The following PPP1R16B variants were observed in gnomAD, a reference collection of about 807,000 sequenced individuals.
PPP1R16B encodes the protein protein phosphatase 1 regulatory subunit 16B, also known as protein phosphatase 1 regulatory inhibitor subunit 16B.
PPP1R16B carries 14 observed loss-of-function variants against 61.7 expected under a neutral mutation model. The ratio of observed to expected loss-of-function variants is 0.23; its 90% CI spans 0.15 to 0.35. PPP1R16B has a LOEUF of 0.35. Ranked by LOEUF, PPP1R16B falls within the 10% of genes least tolerant of loss-of-function variation. The pLI, the probability that PPP1R16B is intolerant of heterozygous loss-of-function variation, is 1.00. For missense variants in PPP1R16B, 547 were observed against 752.5 expected (o/e 0.73, Z 3.19); for synonymous variants, 266 against 305.3 (o/e 0.87, Z 1.34).
intron 10 of PPP1R16B, among the ~76,000 whole-genome samples, chr20:38,908,944 C>T (rs889326060): frequency 2.0e-5 from 3 of 152,190 alleles, no homozygotes; most frequent in African/African-American, 7.2e-5. Context: ...GTCTCTGCTT[C>T]TATCTCCACA....
At chr20:38,811,858 T>C (rs2084702929) in intron 1 of PPP1R16B, among the ~76,000 whole-genome samples, 1 of 152,188 alleles carries the variant, frequency 6.6e-6, no homozygotes, top group Admixed American at 6.5e-5. Context: ...CAAATATCAA[T>C]AGTGCTGAGG....
rs565006337 is a variant in PPP1R16B at position 38,873,402 on chromosome 20, G to C, written c.251-16193G>C. ...TCCTCCTGTTGAGCCTCTTCTCTGG[G>C]GGCACTCATTATGTATGCTGCGTAA... On this transcript the variant is annotated intron_variant, in intron 2 of 10. Transcript: ENST00000299824. 8.5e-4 allele frequency among the ~76,000 whole-genome samples: 129 copies of C among 152,222 alleles called. 1 individual carries two copies. Among genetic ancestry groups the C allele is most frequent in the South Asian group, 2.5e-3 (12 of 4,816 alleles).
At chr20:38,807,641 C>T (rs2084671383) in intron 1 of PPP1R16B, among the ~76,000 whole-genome samples, 2 of 152,192 alleles carry the variant, frequency 1.3e-5, no homozygotes, top group African/African-American at 4.8e-5. Context: ...TCTCTCCCAC[C>T]TGTCACCCAA....
At chr20:38,864,202 G>A (rs1304090328) in intron 2 of PPP1R16B, among the ~76,000 whole-genome samples, 1 of 152,238 alleles carries the variant, frequency 6.6e-6, no homozygotes, top group Non-Finnish European at 1.5e-5. Context: ...TGGGGAATGA[G>A]GAGTGACTGC....
chr20:38,905,679 C>A (rs2085434676), intron 6 of PPP1R16B, among the ~76,000 whole-genome samples: 1 of 152,160 alleles, frequency 6.6e-6, no homozygotes, highest in South Asian at 2.1e-4. Flanking sequence ...ACCTCAGAGA[C>A]CCCTTCTTCA....
In PPP1R16B at chr20:38,895,978, C is replaced by T. The variant is rs370666178; in HGVS notation, c.467+268C>T. 4.5e-4 allele frequency among the ~76,000 whole-genome samples: 43 copies of T among 95,746 alleles called. 1 individual carries two copies. The highest frequency in any genetic ancestry group is 1.4e-3 in the African/African-American group (24 of 17,758). 62.8% of individuals were successfully genotyped at this position (95,746 alleles called of 152,430 possible). ...CTCCTTTCTTCTTTCTTCCCTCCCT[C>T]CCTCCTTCCTTCTTTCTCTCCTCCC... On this transcript the variant is annotated intron_variant, in intron 4 of 10. Transcript: ENST00000299824.
At chr20:38,847,228 CTGA>C (rs1244036766) in intron 2 of PPP1R16B, among the ~76,000 whole-genome samples, 2 of 152,172 alleles carry the variant, frequency 1.3e-5, no homozygotes, top group Admixed American at 1.3e-4. Flanking sequence ...CACACCTTTG[CTGA>C]TATATTTGAT....
At position 38,895,806 on chromosome 20, in the gene PPP1R16B, TC is replaced by T. The variant is rs1568678729; in HGVS notation, c.467+97del. On this transcript the variant is annotated intron_variant, in intron 4 of 10. Transcript: ENST00000299824. ...TCCTCCCTCCCTCCTTCCTTCTTTC[TC>T]TCCTCCCTTCCTCCTTCCTTCTTTC... 34 of 1,182,412 alleles carry T rather than the reference TC, an allele frequency of 2.9e-5. No individual in the cohort carries two copies. The African/African-American group carries it at 3.0e-4, about 10-fold the overall frequency. 73.2% of individuals were successfully genotyped at this position (1,182,412 alleles called of 1,614,324 possible).
chr20:38,879,174 G>A (rs1268828471), intron 2 of PPP1R16B, among the ~76,000 whole-genome samples: 1 of 152,160 alleles, frequency 6.6e-6, no homozygotes. Flanking sequence ...TGAATAGAAT[G>A]AGGAAGTTCC....
At chr20:38,817,089 G>C (rs2084740558) in intron 1 of PPP1R16B, among the ~76,000 whole-genome samples, 1 of 152,178 alleles carries the variant, frequency 6.6e-6, no homozygotes, top group South Asian at 2.1e-4. Flanking sequence ...ATGTAAAGGT[G>C]AACAATACAT....
At chr20:38,838,983 A>G (rs886790106) in intron 2 of PPP1R16B, among the ~76,000 whole-genome samples, 2 of 152,218 alleles carry the variant, frequency 1.3e-5, no homozygotes, top group African/African-American at 4.8e-5. Flanking sequence ...GCTGGAGTGC[A>G]GTGGCACAAT....
At chr20:38,912,498 C>G (rs1167369065) in intron 10 of PPP1R16B, among the ~76,000 whole-genome samples, 1 of 142,512 alleles carries the variant, frequency 7.0e-6, no homozygotes, top group Admixed American at 7.0e-5. Flanking sequence ...ATCTCTACCC[C>G]CCACCAAAAA....
chr20:38,828,721 A>C (rs1019416002), intron 1 of PPP1R16B, among the ~76,000 whole-genome samples: 3 of 152,218 alleles, frequency 2.0e-5, no homozygotes, highest in Non-Finnish European at 2.9e-5. Flanking sequence ...GCCTAGCCTC[A>C]ACCACTCACT....
At chr20:38,808,748 C>T (rs1172489928) in intron 1 of PPP1R16B, among the ~76,000 whole-genome samples, 2 of 152,124 alleles carry the variant, frequency 1.3e-5, no homozygotes, top group Admixed American at 1.3e-4. Flanking sequence ...GTGCTCAGTA[C>T]TAGGGTGGAG....
intron 3 of PPP1R16B, among the ~76,000 whole-genome samples, chr20:38,891,126 G>C (rs2085289096): frequency 6.6e-6 from 1 of 152,162 alleles, no homozygotes; most frequent in African/African-American, 2.4e-5. Flanking sequence ...CCAAGGCTGG[G>C]CTGCACCCAC....
chr20:38,902,615 T>C, intron 5 of PPP1R16B, 53 bp from the exon 6 acceptor site: 1 of 1,611,182 alleles, frequency 6.2e-7, no homozygotes, highest in Non-Finnish European at 8.5e-7. Flanking sequence ...TCCCCTGCCC[T>C]CTGGGGTCGT....
intron 3 of PPP1R16B, among the ~76,000 whole-genome samples, chr20:38,894,799 C>T (rs912690245): frequency 3.3e-5 from 5 of 152,336 alleles, no homozygotes; most frequent in African/African-American, 9.6e-5. Context: ...CCTCCCTGTC[C>T]CTGGAGCCTG....
chr20:38,887,525 GC>G (rs1314074330), intron 2 of PPP1R16B, among the ~76,000 whole-genome samples: 1 of 152,182 alleles, frequency 6.6e-6, no homozygotes, highest in Non-Finnish European at 1.5e-5. Context: ...CATTTATAAT[GC>G]CCCAAAGCAG....
intron 2 of PPP1R16B, among the ~76,000 whole-genome samples, chr20:38,871,654 AAGGG>A (rs544581795): frequency 1.3e-4 from 12 of 92,246 alleles, no homozygotes; most frequent in Admixed American, 6.6e-4. Context: ...AAGAAAGGGG[AAGGG>A]AGGGAGGGAG....
Sources: gnomAD v4.1 joint callset for allele counts (sites outside exome capture counted in the v4.1 genomes callset) on GRCh38, gnomAD v4.1.1 for gene constraint, MANE v1.5 for transcripts, NCBI Gene and HGNC (gene_info 2026-07-23, HGNC 2026-07-21) for gene names.